Variants in MARCHF1 observed in about 807,000 individuals in gnomAD.
The protein encoded by MARCHF1 is E3 ubiquitin-protein ligase MARCHF1.
Under a neutral mutation model 54.2 loss-of-function variants are expected in MARCHF1, and 40 were observed. The ratio of observed to expected loss-of-function variants is 0.74; its 90% CI spans 0.57 to 0.96. The LOEUF (loss-of-function observed/expected upper bound fraction) is 0.96. Among genes scored for constraint, MARCHF1 ranks in the 40% least tolerant of loss-of-function variants. MARCHF1 has a pLI of 0.00. For synonymous variants in MARCHF1, 236 were observed against 236.3 expected (o/e 1.00, Z 0.01); for missense variants, 586 against 656.5 (o/e 0.89, Z 1.17).
chr4:163,677,422 C>G (rs1275299912), intron 5 of MARCHF1, among the ~76,000 whole-genome samples: 4 of 152,142 alleles, frequency 2.6e-5, no homozygotes, highest in African/African-American at 9.7e-5. Context: ...TTGGAAGACA[C>G]CAAGCTCCTT....
In MARCHF1 at chr4:163,689,186, G is replaced by A. The variant is rs572486261; in HGVS notation, c.162+11627C>T. Among the ~76,000 whole-genome samples the A allele has an allele frequency of 1.4e-4, 22 of 152,236 alleles. No homozygotes were observed. The South Asian group carries it at 4.6e-3, about 32-fold the overall frequency. ...TTTAATTCTCTGGGGACCATTTATG[G>A]TCAATAGTTTTTAATCTTCAGTATT... On this transcript the variant is annotated intron_variant, in intron 5 of 9. Transcript: ENST00000514618.
At chr4:163,897,822 C>A (rs936387771) in intron 3 of MARCHF1, among the ~76,000 whole-genome samples, 4 of 151,644 alleles carry the variant, frequency 2.6e-5, no homozygotes, top group African/African-American at 9.7e-5. Context: ...TTTGGGAGGC[C>A]GAGGCGGGTG....
chr4:163,584,498 T>G (rs1579085165), intron 8 of MARCHF1: 1 of 152,192 alleles, frequency 6.6e-6, no homozygotes, highest in Non-Finnish European at 1.5e-5. Context: ...CCATTTCTAT[T>G]TCTGGCATTG....
intron 3 of MARCHF1, among the ~76,000 whole-genome samples, chr4:163,944,277 T>C (rs1028125140): frequency 1.3e-5 from 2 of 152,004 alleles, no homozygotes; most frequent in African/African-American, 4.8e-5. Flanking sequence ...CCACCGCGCC[T>C]GGCCAGAAAT....
chr4:164,032,925 G>A lies in MARCHF1; in HGVS notation c.-247-44216C>T, dbSNP rs548611944. On this transcript the variant is annotated intron_variant, in intron 2 of 9. Coordinates refer to ENST00000514618, the MANE Select transcript of MARCHF1 (RefSeq NM_001394959.1). ...AACTATACTACAAGTCTATAGTAAC[G>A]AAAACAGCATGGTACTTGTACCAAA... is the stretch of plus-strand genomic sequence containing the variant. Among the ~76,000 whole-genome samples, 261 of 152,134 alleles carry A rather than the reference G, an allele frequency of 1.7e-3. 1 individual carries two copies. Among genetic ancestry groups the A allele is most frequent in the African/African-American group, 5.6e-3 (234 of 41,516 alleles).
intron 1 of MARCHF1, among the ~76,000 whole-genome samples, chr4:164,142,239 T>A (rs1756560453): frequency 6.6e-6 from 1 of 152,148 alleles, no homozygotes; most frequent in Admixed American, 6.5e-5. Flanking sequence ...GCAGCCAGGC[T>A]TGGGGAGGGG....
At chr4:164,342,752 T>A (rs1461456793) in intron 1 of MARCHF1, among the ~76,000 whole-genome samples, 1 of 151,982 alleles carries the variant, frequency 6.6e-6, no homozygotes, top group Non-Finnish European at 1.5e-5. Context: ...AAATACGGTA[T>A]GTGTATATAC....
chr4:163,676,809 T>G (rs1743935043), intron 5 of MARCHF1, among the ~76,000 whole-genome samples: 1 of 150,744 alleles, frequency 6.6e-6, no homozygotes. Flanking sequence ...GGAAACAAAA[T>G]AAAAGACAAA....
intron 1 of MARCHF1, among the ~76,000 whole-genome samples, chr4:164,247,486 T>A (rs904571810): frequency 6.6e-6 from 1 of 151,444 alleles, no homozygotes; most frequent in South Asian, 2.1e-4. Flanking sequence ...AGGGATAGCA[T>A]TGGGAGATAT....
chr4:163,588,614 G>A (rs1321296613), intron 7 of MARCHF1, among the ~76,000 whole-genome samples: 1 of 151,988 alleles, frequency 6.6e-6, no homozygotes, highest in Non-Finnish European at 1.5e-5. Flanking sequence ...CTCTTCAACC[G>A]GGGGTCAGTA....
intron 4 of MARCHF1, among the ~76,000 whole-genome samples, chr4:163,748,551 C>A (rs1746427215): frequency 1.3e-5 from 2 of 152,182 alleles, no homozygotes; most frequent in South Asian, 4.1e-4. Flanking sequence ...GAGCTTACTG[C>A]ATAATTCTGA....
intron 4 of MARCHF1, among the ~76,000 whole-genome samples, chr4:163,780,133 G>T (rs1747422465): frequency 6.6e-6 from 1 of 152,108 alleles, no homozygotes; most frequent in African/African-American, 2.4e-5. Context: ...AAAGACAGGT[G>T]AAAAAGGGCC....
At chr4:163,777,677 C>G (rs1747343538) in intron 4 of MARCHF1, among the ~76,000 whole-genome samples, 1 of 152,038 alleles carries the variant, frequency 6.6e-6, no homozygotes, top group African/African-American at 2.4e-5. Context: ...AGATATCAGG[C>G]ACAAGAGTCA....
At chr4:163,928,105 C>T (rs1286597322) in intron 3 of MARCHF1, among the ~76,000 whole-genome samples, 2 of 151,798 alleles carry the variant, frequency 1.3e-5, no homozygotes, top group African/African-American at 4.8e-5. Flanking sequence ...TTGAGAAATT[C>T]TCTATGTAAT....
intron 4 of MARCHF1, among the ~76,000 whole-genome samples, chr4:163,743,867 A>G (rs1746281288): frequency 1.3e-5 from 2 of 152,210 alleles, no homozygotes; most frequent in Non-Finnish European, 2.9e-5. Flanking sequence ...TTTAAAAAAT[A>G]AATACCCAGA....
rs550200858 is a variant in MARCHF1 at position 163,676,218 on chromosome 4, G to T, written c.162+24595C>A. Among the ~76,000 whole-genome samples the T allele has an allele frequency of 1.2e-4, 18 of 150,678 alleles. 1 individual carries two copies. The South Asian group carries it at 3.6e-3, about 30-fold the overall frequency. ...AAAAAAAAAAAAAAATTAGCTGGGC[G>T]TGGTGGCAGGCACCTGTAATCCCAG... On this transcript the variant is annotated intron_variant, in intron 5 of 9. Coordinates refer to ENST00000514618, the MANE Select transcript of MARCHF1 (RefSeq NM_001394959.1).
intron 1 of MARCHF1, among the ~76,000 whole-genome samples, chr4:164,318,366 G>A (rs962158127): frequency 2.0e-5 from 3 of 152,122 alleles, no homozygotes; most frequent in African/African-American, 4.8e-5. Flanking sequence ...TGTTATACTA[G>A]ATTTGGAATC....
intron 1 of MARCHF1, among the ~76,000 whole-genome samples, chr4:164,274,801 C>T (rs1733835294): frequency 6.7e-6 from 1 of 149,798 alleles, no homozygotes. Flanking sequence ...CTCAGCCTCC[C>T]GAGTAGCTGG....
chr4:163,972,938 G>A (rs945209259), intron 3 of MARCHF1, among the ~76,000 whole-genome samples: 1 of 152,178 alleles, frequency 6.6e-6, no homozygotes, highest in Non-Finnish European at 1.5e-5. Flanking sequence ...GTTACTAACA[G>A]TGTAATTGTT....
Sources: gnomAD v4.1 joint callset for allele counts (sites outside exome capture counted in the v4.1 genomes callset) on GRCh38, gnomAD v4.1.1 for gene constraint, MANE v1.5 for transcripts, NCBI Gene and HGNC (gene_info 2026-07-23, HGNC 2026-07-21) for gene names.